Variants in WIF1 observed in about 807,000 individuals in gnomAD.
WIF1 encodes Wnt inhibitory factor 1.
A neutral mutation model predicts 53.5 loss-of-function variants in WIF1; 35 were observed. That is an observed-to-expected ratio of 0.65 (90% confidence interval 0.50 to 0.87). The LOEUF is 0.87. WIF1 is among the 40% of genes least tolerant of loss of function. WIF1 has a pLI of 0.00. For missense variants in WIF1, 467 were observed against 476.8 expected, an observed-to-expected ratio of 0.98 and a Z score of 0.19; for synonymous variants, 171 against 170.4, an observed-to-expected ratio of 1.00 and a Z score of -0.03.
intron 2 of WIF1, among the ~76,000 whole-genome samples, chr12:65,081,078 T>C (rs1320739661): frequency 6.6e-6 from 1 of 152,124 alleles, no homozygotes; most frequent in Non-Finnish European, 1.5e-5. Context: ...TCAGATTTTC[T>C]ATATGTGAAT....
intron 2 of WIF1, among the ~76,000 whole-genome samples, chr12:65,118,859 G>C (rs1592407752): frequency 7.1e-6 from 1 of 141,116 alleles, no homozygotes. Context: ...GAGATAGAGA[G>C]AGGAGGGAGG....
rs559640710 is a variant in WIF1, at chr12:65,068,649, A to G, written c.538+115T>C. On this transcript the variant is annotated intron_variant, in intron 4 of 9. Coordinates refer to ENST00000286574, the MANE Select transcript of WIF1 (RefSeq NM_007191.5). ...TTATAGAGCCATCATCCAAAAAACC[A>G]TGTGTGTGTGTGTGTGTGTGTGTGT... 167 of 1,005,314 alleles carry G rather than the reference A, an allele frequency of 1.7e-4. 1 individual carries two copies. The highest frequency in any genetic ancestry group is 1.4e-3 in the African/African-American group (79 of 55,570). 62.3% of individuals were successfully genotyped at this position (1,005,314 alleles called of 1,614,324 possible).
At chr12:65,080,312 T>C (rs1483741727) in intron 2 of WIF1, among the ~76,000 whole-genome samples, 3 of 152,172 alleles carry the variant, frequency 2.0e-5, no homozygotes, top group Non-Finnish European at 4.4e-5. Flanking sequence ...ATTGATTCAC[T>C]AGGATGGCCC....
In WIF1 at chr12:65,120,487, G is replaced by A. The variant is rs764409521; in HGVS notation, c.218C>T (p.Ala73Val). The change falls in exon 2 of 10, where the codon GCA (alanine) becomes GTA (valine). Residue 73 changes from alanine (A) to valine (V), a missense_variant. Coordinates refer to ENST00000286574, the MANE Select transcript of WIF1 (RefSeq NM_007191.5). ...MAPFTHDFRK[A>V]QQRMPAIPVN... Reference sequence around the variant, plus strand: ...AGGAATAGCTGGCATTCTCTGTTGTGCTTTTCTGAAATCATGTGTAAAAGG... The same window carrying A: ...AGGAATAGCTGGCATTCTCTGTTGTACTTTTCTGAAATCATGTGTAAAAGG... 2.0e-5 allele frequency: 32 copies of A among 1,614,094 alleles called. No individual in the cohort carries two copies. Among genetic ancestry groups the A allele is most frequent in the Non-Finnish European group, 2.4e-5 (28 of 1,180,006 alleles).
intron 7 of WIF1, among the ~76,000 whole-genome samples, chr12:65,062,237 C>A (rs930674391): frequency 8.5e-5 from 13 of 152,124 alleles, no homozygotes; most frequent in African/African-American, 3.1e-4. Flanking sequence ...AATCCAAACC[C>A]AGACATAACC....
At chr12:65,058,813 G>A (rs998984459) in intron 7 of WIF1, among the ~76,000 whole-genome samples, 1 of 152,118 alleles carries the variant, frequency 6.6e-6, no homozygotes, top group Non-Finnish European at 1.5e-5. Context: ...ACTTTGGAAG[G>A]CTGAGGCAAA....
At chr12:65,060,100 C>T (rs1459832309) in intron 7 of WIF1, among the ~76,000 whole-genome samples, 1 of 151,476 alleles carries the variant, frequency 6.6e-6, no homozygotes, top group Non-Finnish European at 1.5e-5. Flanking sequence ...TCATACACTG[C>T]TGGTGGGAAT....
At chr12:65,108,674 C>T (rs1883385523) in intron 2 of WIF1, among the ~76,000 whole-genome samples, 1 of 152,158 alleles carries the variant, frequency 6.6e-6, no homozygotes, top group African/African-American at 2.4e-5. Flanking sequence ...CCTCACCTTT[C>T]ATGGTATCTC....
At chr12:65,097,194 C>G (rs186243575) in intron 2 of WIF1, among the ~76,000 whole-genome samples, 1 of 151,186 alleles carries the variant, frequency 6.6e-6, no homozygotes, top group South Asian at 2.1e-4. Flanking sequence ...GAGAATTATA[C>G]ACCAGTCAGT....
At chr12:65,108,648 C>T (rs1883385181) in intron 2 of WIF1, among the ~76,000 whole-genome samples, 1 of 152,190 alleles carries the variant, frequency 6.6e-6, no homozygotes, top group Admixed American at 6.5e-5. Context: ...CCACTGCCTT[C>T]CTTGGTTCAG....
intron 6 of WIF1, among the ~76,000 whole-genome samples, chr12:65,065,087 T>A (rs564982402): frequency 2.0e-5 from 3 of 152,330 alleles, no homozygotes; most frequent in Non-Finnish European, 4.4e-5. Context: ...TAGTGCTTAA[T>A]CTTTATGAAA....
At chr12:65,055,918 G>T in intron 8 of WIF1, 113 bp downstream of exon 8, 1 of 881,512 alleles carries the variant, frequency 1.1e-6, no homozygotes, top group Non-Finnish European at 1.7e-6. Context: ...AGTGAAGAAA[G>T]GTTAACTGTG....
chr12:65,085,760 A>G (rs1883028542), intron 2 of WIF1, among the ~76,000 whole-genome samples: 1 of 152,214 alleles, frequency 6.6e-6, no homozygotes, highest in African/African-American at 2.4e-5. Flanking sequence ...TTATTGGAAT[A>G]TAATGGTGAT....
chr12:65,056,366 C>CTTTTTTT lies in WIF1; in HGVS notation c.827-247_827-241dup, dbSNP rs10584146. On this transcript the variant is annotated intron_variant, in intron 7 of 9. Coordinates refer to ENST00000286574, the MANE Select transcript of WIF1 (RefSeq NM_007191.5). ...GTTGCCAAAATGCTGCATTTATATC[C>CTTTTTTT]TTTTTTTTTTTTTTTTTTTTTTTTT... Among the ~76,000 whole-genome samples the CTTTTTTT allele has an allele frequency of 8.2e-4, 20 of 24,264 alleles. 6 individuals are homozygous for CTTTTTTT. The highest frequency in any genetic ancestry group is 2.8e-3 in the African/African-American group (20 of 7,162). 15.9% of individuals were successfully genotyped at this position (24,264 alleles called of 152,430 possible).
chr12:65,097,356 A>G (rs1189874458), intron 2 of WIF1, among the ~76,000 whole-genome samples: 1 of 152,160 alleles, frequency 6.6e-6, no homozygotes, highest in Non-Finnish European at 1.5e-5. Context: ...CTCCATTTCA[A>G]AATTGATATT....
intron 2 of WIF1, among the ~76,000 whole-genome samples, chr12:65,089,187 T>C (rs1467969399): frequency 6.6e-6 from 1 of 152,168 alleles, no homozygotes; most frequent in Non-Finnish European, 1.5e-5. Flanking sequence ...ACAAACTCAT[T>C]ATCTTCCCAA....
intron 2 of WIF1, among the ~76,000 whole-genome samples, chr12:65,078,473 A>G (rs1314770097): frequency 6.6e-6 from 1 of 152,204 alleles, no homozygotes; most frequent in Non-Finnish European, 1.5e-5. Context: ...CAAACCAGTC[A>G]TTGACTAGAA....
chr12:65,083,573 C>T (rs993499843), intron 2 of WIF1, among the ~76,000 whole-genome samples: 1 of 152,088 alleles, frequency 6.6e-6, no homozygotes, highest in African/African-American at 2.4e-5. Flanking sequence ...CAGGTATTTT[C>T]ACAGATTGAA....
chr12:65,075,699 C>G (rs1468850656), intron 3 of WIF1, among the ~76,000 whole-genome samples: 1 of 151,986 alleles, frequency 6.6e-6, no homozygotes, highest in Non-Finnish European at 1.5e-5. Flanking sequence ...CTTAACTGCT[C>G]TCTGGAATAG....
Sources: allele counts gnomAD v4.1 joint callset (sites outside exome capture counted in the v4.1 genomes callset), GRCh38; gene constraint gnomAD v4.1.1; transcripts MANE v1.5; gene names NCBI Gene and HGNC (gene_info 2026-07-23, HGNC 2026-07-21).